The following DYM variants were observed in gnomAD, a reference collection of about 807,000 sequenced individuals.
DYM encodes the protein dymeclin.
DYM carries 78 observed loss-of-function variants against 93.1 expected under a neutral mutation model. That is an observed-to-expected ratio of 0.84 (90% CI 0.70 to 1.01). The LOEUF (loss-of-function observed/expected upper bound fraction) is 1.01, where lower values mean the gene tolerates loss of function less well. DYM is among the 50% of genes least tolerant of loss of function. The pLI is 0.00. For synonymous variants in DYM, 321 were observed against 319.7 expected (o/e 1.00, Z -0.04); for missense variants, 789 against 845.0 (o/e 0.93, Z 0.82).
At position 49,435,010 on chromosome 18, in the gene DYM, C is replaced by T. The variant is rs375139010; in HGVS notation, c.-53-4563G>A. On this transcript the variant is annotated intron_variant, in intron 1 of 17. Coordinates refer to ENST00000675505, the MANE Select transcript of DYM (RefSeq NM_001353214.3). ...ATCACTTGAGGTCAGGAGTTCAAGA[C>T]CAGGCTGGCCAACGTGGTAAAACCT... 4.4e-4 allele frequency among the ~76,000 whole-genome samples: 67 copies of T among 152,034 alleles called. 1 individual carries two copies. The South Asian group carries it at 0.013, about 31-fold the overall frequency.
chr18:49,151,838 T>C (rs1367215740), intron 15 of DYM, among the ~76,000 whole-genome samples: 1 of 152,086 alleles, frequency 6.6e-6, no homozygotes, highest in African/African-American at 2.4e-5. Flanking sequence ...AGAAACAGAA[T>C]GAAAAACAAT....
intron 5 of DYM, 48 bp downstream of exon 5, chr18:49,378,519 A>T: frequency 6.5e-7 from 1 of 1,535,824 alleles, no homozygotes; most frequent in Non-Finnish European, 9.0e-7. Context: ...TTTTATCCTT[A>T]AATGTTACAC....
intron 11 of DYM, among the ~76,000 whole-genome samples, chr18:49,265,148 A>G (rs978841406): frequency 6.6e-6 from 1 of 152,186 alleles, no homozygotes; most frequent in African/African-American, 2.4e-5. Flanking sequence ...GTCCCATGGT[A>G]ACATGTGGTA....
intron 8 of DYM, among the ~76,000 whole-genome samples, chr18:49,318,303 A>T (rs1263712953): frequency 6.6e-6 from 1 of 152,192 alleles, no homozygotes; most frequent in Non-Finnish European, 1.5e-5. Context: ...AGAATAGGAG[A>T]CTTGAGAACA....
At chr18:49,141,479 T>G (rs1314127589) in intron 15 of DYM, among the ~76,000 whole-genome samples, 3 of 152,168 alleles carry the variant, frequency 2.0e-5, no homozygotes, top group Non-Finnish European at 4.4e-5. Context: ...TCCCCCACTA[T>G]CCACACTCCA....
At chr18:49,424,995 T>C (rs2148396652) in intron 2 of DYM, among the ~76,000 whole-genome samples, 1 of 152,152 alleles carries the variant, frequency 6.6e-6, no homozygotes. Context: ...TTCAATGCCA[T>C]CCCCATCAAG....
chr18:49,046,138 G>GAC (rs778881277), intron 17 of DYM, among the ~76,000 whole-genome samples: 1 of 139,472 alleles, frequency 7.2e-6, no homozygotes, highest in African/African-American at 2.7e-5. Context: ...CACTCACATA[G>GAC]ACACACACAC....
Position 49,430,348 on chromosome 18 carries a change from T to C in DYM, c.47A>G (p.Tyr16Cys), listed in dbSNP as rs775399623. The change falls in exon 2 of 18, where the codon TAC becomes TGC. Residue 16 changes from tyrosine to cysteine, a missense_variant. Physicochemically the swap from Tyr to Cys is radical, Grantham distance 194 (BLOSUM62 -2). This residue lies in a region of DYM where 450 missense variants were observed against 436.2 expected (regional missense o/e 1.03). Transcript: ENST00000675505. ...SRIGDLPKNE[Y>C]LKKLSGTESI... ...TTCCGTGCCTGATAACTTTTTCAAG[T>C]ACTCATTTTTAGGAAGATCGCCGAT... 12 of 1,613,904 alleles carry C rather than the reference T, an allele frequency of 7.4e-6. No individual in the cohort carries two copies. Among genetic ancestry groups the C allele is most frequent in the Admixed American group, 1.7e-5 (1 of 59,994 alleles).
chr18:49,260,350 C>G (rs1029171876), intron 11 of DYM, among the ~76,000 whole-genome samples: 1 of 152,190 alleles, frequency 6.6e-6, no homozygotes, highest in African/African-American at 2.4e-5. Context: ...CCACTGCACT[C>G]CAGCCTGGGC....
chr18:49,046,644 A>G (rs183924231), intron 17 of DYM, among the ~76,000 whole-genome samples: 2 of 152,344 alleles, frequency 1.3e-5, no homozygotes, highest in East Asian at 3.9e-4. Context: ...TCACGCCTGT[A>G]ATCCCAGCAC....
At chr18:49,081,338 C>T (rs1294362321) in intron 17 of DYM, among the ~76,000 whole-genome samples, 1 of 151,718 alleles carries the variant, frequency 6.6e-6, no homozygotes, top group Non-Finnish European at 1.5e-5. Flanking sequence ...CCCGTCTCCA[C>T]CAAAAAAGTA....
intron 13 of DYM, among the ~76,000 whole-genome samples, chr18:49,252,471 A>G (rs541318198): frequency 6.6e-6 from 1 of 152,208 alleles, no homozygotes; most frequent in Non-Finnish European, 1.5e-5. Flanking sequence ...GAACAGCATG[A>G]GGGAAACTGC....
intron 15 of DYM, among the ~76,000 whole-genome samples, chr18:49,146,668 G>A (rs909561677): frequency 6.6e-5 from 10 of 152,108 alleles, no homozygotes; most frequent in African/African-American, 1.2e-4. Context: ...AAGGAGAACT[G>A]CAAACCACTG....
rs548104882 is a variant in DYM, at chr18:49,355,843, A to G, written c.494+7318T>C. On this transcript the variant is annotated intron_variant, in intron 6 of 17. Coordinates refer to ENST00000675505, the MANE Select transcript of DYM (RefSeq NM_001353214.3). ...AGACTTATTTTTTCAAAATAATGGT[A>G]TATTATTTAGAAATATAAAAGGTTA... Among the ~76,000 whole-genome samples the G allele has an allele frequency of 2.6e-5, 4 of 152,340 alleles. 1 individual carries two copies. In the South Asian group the frequency reaches 8.3e-4, roughly 32 times the overall value.
intron 17 of DYM, among the ~76,000 whole-genome samples, chr18:49,072,688 G>A (rs537227177): frequency 4.6e-5 from 7 of 152,374 alleles, no homozygotes; most frequent in South Asian, 4.1e-4. Flanking sequence ...GTTTCGGAAC[G>A]TTTGAGAGCT....
At chr18:49,060,738 G>T (rs2075910234) in intron 17 of DYM, among the ~76,000 whole-genome samples, 1 of 115,180 alleles carries the variant, frequency 8.7e-6, no homozygotes, top group Non-Finnish European at 1.9e-5. Flanking sequence ...AGAGGGAGAG[G>T]GAGAAGGAGG....
At chr18:49,334,965 G>A (rs563553580) in intron 6 of DYM, among the ~76,000 whole-genome samples, 1 of 152,192 alleles carries the variant, frequency 6.6e-6, no homozygotes, top group African/African-American at 2.4e-5. Flanking sequence ...AAATTAGCTG[G>A]GCATGGTGGC....
intron 8 of DYM, among the ~76,000 whole-genome samples, chr18:49,297,914 A>G (rs2060658336): frequency 6.6e-6 from 1 of 152,174 alleles, no homozygotes; most frequent in Non-Finnish European, 1.5e-5. Context: ...TTAAGAAAAC[A>G]CAGTCTCCAA....
intron 13 of DYM, among the ~76,000 whole-genome samples, chr18:49,210,548 GGA>G (rs1418605820): frequency 1.3e-5 from 2 of 152,148 alleles, no homozygotes; most frequent in Non-Finnish European, 2.9e-5. Context: ...GAGTTAGAGG[GGA>G]GAGAGGGATG....
Sources: allele counts gnomAD v4.1 joint callset (sites outside exome capture counted in the v4.1 genomes callset), GRCh38; gene constraint gnomAD v4.1.1; regional missense constraint gnomAD v4.1.1; transcripts MANE v1.5; gene names NCBI Gene and HGNC (gene_info 2026-07-23, HGNC 2026-07-21).